The following UGT1A8 variants were observed in gnomAD, a reference collection of about 807,000 sequenced individuals.
UGT1A8 encodes the protein UDP glucuronosyltransferase family 1 member A8, also known as UDP-glucuronosyltransferase 1A8.
UGT1A8 carries 39 observed loss-of-function variants against 45.3 expected under a neutral mutation model. That is an observed-to-expected ratio of 0.86 (90% CI 0.67 to 1.12). UGT1A8 has a LOEUF of 1.12. Ranked by LOEUF, UGT1A8 falls within the 50% of genes most tolerant of loss-of-function variation. UGT1A8 has a pLI of 0.00. For missense variants in UGT1A8, 719 were observed against 664.9 expected (o/e 1.08, Z -0.90); for synonymous variants, 275 against 249.2 (o/e 1.10, Z -0.97).
chr2:233,622,635 C>T (rs2073029634), intron 1 of UGT1A8, among the ~76,000 whole-genome samples: 1 of 152,108 alleles, frequency 6.6e-6, no homozygotes, highest in African/African-American at 2.4e-5. Context: ...AGCCCTTTGT[C>T]AGGTGGATAG....
intron 1 of UGT1A8, chr2:233,718,791 G>C: frequency 6.2e-7 from 1 of 1,613,144 alleles, no homozygotes; most frequent in Non-Finnish European, 8.5e-7. Context: ...GCGTGGGGTG[G>C]ACAGTCAGCT....
chr2:233,673,892 A>G (rs1272294071), intron 1 of UGT1A8, among the ~76,000 whole-genome samples: 1 of 152,166 alleles, frequency 6.6e-6, no homozygotes, highest in African/African-American at 2.4e-5. Flanking sequence ...TATTTATACC[A>G]CTTATTTTGC....
intron 1 of UGT1A8, chr2:233,740,664 A>G (rs1345559084): frequency 6.6e-6 from 1 of 151,798 alleles, no homozygotes; most frequent in East Asian, 1.9e-4. Context: ...GTGAGAAGGT[A>G]CAGGTGTTTC....
intron 1 of UGT1A8, among the ~76,000 whole-genome samples, chr2:233,728,369 A>G (rs2008584): frequency 0.53 from 79,890 of 151,692 alleles, 22,359 homozygotes; most frequent in African/African-American, 0.73. Context: ...TGAACCCACC[A>G]TGGGTCTTTG....
chr2:233,655,853 C>G (rs2073843013), intron 1 of UGT1A8, among the ~76,000 whole-genome samples: 1 of 152,242 alleles, frequency 6.6e-6, no homozygotes, highest in Admixed American at 6.5e-5. Context: ...CCCCCATCCC[C>G]TCACTCCAGC....
intron 1 of UGT1A8, among the ~76,000 whole-genome samples, chr2:233,758,134 G>A (rs1262322592): frequency 6.6e-6 from 1 of 152,212 alleles, no homozygotes; most frequent in Non-Finnish European, 1.5e-5. Context: ...ATATTTGGCA[G>A]ATGAGGGAAT....
At chr2:233,661,682 T>TC (rs1559329471) in intron 1 of UGT1A8, among the ~76,000 whole-genome samples, 12 of 150,360 alleles carry the variant, frequency 8.0e-5, no homozygotes, top group African/African-American at 2.0e-4. Context: ...TTTCTTTCTT[T>TC]TTAAACAAAG....
intron 1 of UGT1A8, among the ~76,000 whole-genome samples, chr2:233,633,787 G>A (rs985756121): frequency 2.4e-4 from 37 of 152,012 alleles, no homozygotes; most frequent in Middle Eastern, 3.2e-3. Flanking sequence ...TTTTTGAAGG[G>A]TTTTTTGTGT....
At chr2:233,670,149 TAAGA>T (rs1302454652) in intron 1 of UGT1A8, among the ~76,000 whole-genome samples, 1 of 152,238 alleles carries the variant, frequency 6.6e-6, no homozygotes, top group Non-Finnish European at 1.5e-5. Flanking sequence ...AAAATGTTAT[TAAGA>T]AAATCTTAAG....
rs184388078 is a variant in UGT1A8 at position 233,743,692 on chromosome 2, G to A, written c.856-23342G>A. ...CGAAGGGCCTGCCGCCTGTGCAGCCGCCCTCCGCCCCCGCCTCGCCATAGC... is the reference window on the plus strand; with the variant it reads ...CGAAGGGCCTGCCGCCTGTGCAGCCACCCTCCGCCCCCGCCTCGCCATAGC... On this transcript the variant is annotated intron_variant, in intron 1 of 4. Coordinates refer to ENST00000373450, the MANE Select transcript of UGT1A8 (RefSeq NM_019076.5). The A allele has an allele frequency of 3.6e-4, 492 of 1,367,218 alleles. 1 individual carries two copies. Among genetic ancestry groups the A allele is most frequent in the Non-Finnish European group, 4.5e-4 (457 of 1,021,852 alleles). 84.7% of individuals were successfully genotyped at this position (1,367,218 alleles called of 1,614,324 possible). A position where few individuals can be genotyped will look rare whatever the true frequency, so the allele number is the denominator to read the frequency against.
At chr2:233,662,360 G>T (rs996708968) in intron 1 of UGT1A8, among the ~76,000 whole-genome samples, 5 of 151,988 alleles carry the variant, frequency 3.3e-5, no homozygotes, top group African/African-American at 1.2e-4. Context: ...TCAATTTGTT[G>T]CAAATCTCCA....
intron 1 of UGT1A8, chr2:233,690,819 A>T: frequency 9.3e-7 from 1 of 1,070,628 alleles, no homozygotes; most frequent in Non-Finnish European, 1.1e-6. Context: ...GTACAGTCAA[A>T]GCTCACAGGA....
intron 1 of UGT1A8, chr2:233,755,008 C>T (rs1695684715): frequency 3.1e-6 from 4 of 1,292,406 alleles, no homozygotes; most frequent in African/African-American, 1.5e-5. Context: ...AAGACCTACT[C>T]GAAGGGGTCC....
intron 1 of UGT1A8, chr2:233,721,920 A>G: frequency 2.5e-6 from 1 of 407,420 alleles, no homozygotes; most frequent in South Asian, 1.9e-5. Context: ...TGCTTCCATA[A>G]AGTGACATCC....
intron 1 of UGT1A8, among the ~76,000 whole-genome samples, chr2:233,627,943 T>A (rs1026428754): frequency 1.3e-5 from 2 of 152,042 alleles, no homozygotes; most frequent in Non-Finnish European, 2.9e-5. Context: ...CTTTTTACTC[T>A]GACATGCAAT....
intron 1 of UGT1A8, among the ~76,000 whole-genome samples, chr2:233,681,530 C>CAAAAAAAA (rs747693860): frequency 2.6e-5 from 2 of 77,710 alleles, no homozygotes; most frequent in Non-Finnish European, 5.1e-5. Context: ...GACTCCATCT[C>CAAAAAAAA]AAAAAAAAAA....
At chr2:233,670,360 A>T (rs2074158004) in intron 1 of UGT1A8, among the ~76,000 whole-genome samples, 1 of 152,248 alleles carries the variant, frequency 6.6e-6, no homozygotes, top group South Asian at 2.1e-4. Flanking sequence ...GAATTACATC[A>T]TAATTATTAT....
At chr2:233,750,273 A>T (rs1048305257) in intron 1 of UGT1A8, among the ~76,000 whole-genome samples, 6 of 151,954 alleles carry the variant, frequency 3.9e-5, no homozygotes, top group African/African-American at 1.5e-4. Context: ...TGCTTTAGCA[A>T]AGAGACTGGT....
chr2:233,690,026 G>C (rs1455242628), intron 1 of UGT1A8: 1 of 432,784 alleles, frequency 2.3e-6, no homozygotes, highest in African/African-American at 2.1e-5. Flanking sequence ...CCTTCCTCAA[G>C]ATCTGGGCCC....
Sources: allele counts gnomAD v4.1 joint callset (sites outside exome capture counted in the v4.1 genomes callset), GRCh38; gene constraint gnomAD v4.1.1; transcripts MANE v1.5; gene names NCBI Gene and HGNC (gene_info 2026-07-23, HGNC 2026-07-21).